Variants in ADAMTSL1 observed in about 807,000 individuals in gnomAD.
ADAMTSL1 encodes ADAMTS-like protein 1.
Under a neutral mutation model 201.8 loss-of-function variants are expected in ADAMTSL1, and 126 were observed. That is an observed-to-expected ratio of 0.62 (90% CI 0.54 to 0.72). The LOEUF (loss-of-function observed/expected upper bound fraction) is 0.72. Ranked by LOEUF, ADAMTSL1 falls within the 30% of genes least tolerant of loss-of-function variation. The pLI, the probability that ADAMTSL1 is intolerant of heterozygous loss-of-function variation, is 0.00. For synonymous variants in ADAMTSL1, 1,121 were observed against 903.4 expected (o/e 1.24, Z -4.32); for missense variants, 2,679 against 2,277.8 (o/e 1.18, Z -3.59).
chr9:18,382,605 C>T (rs1837603962), intron 2 of ADAMTSL1, among the ~76,000 whole-genome samples: 1 of 151,830 alleles, frequency 6.6e-6, no homozygotes, highest in Non-Finnish European at 1.5e-5. Context: ...TCAGTATCTC[C>T]AGAGAAACAA....
chr9:17,983,015 C>G (rs1248561363), intron 1 of ADAMTSL1, among the ~76,000 whole-genome samples: 4 of 150,166 alleles, frequency 2.7e-5, no homozygotes, highest in Non-Finnish European at 5.9e-5. Context: ...AGTACTTCCT[C>G]CCTCCCCTTT....
intron 2 of ADAMTSL1, among the ~76,000 whole-genome samples, chr9:18,204,226 A>G (rs1829558535): frequency 6.6e-6 from 1 of 152,090 alleles, no homozygotes; most frequent in African/African-American, 2.4e-5. Flanking sequence ...TAAGGGAGAG[A>G]CCAGGTGGAG....
rs557981198 is a variant in ADAMTSL1, at chr9:18,532,921, TAAG to T, written c.192-320_192-318del. 7.3e-4 allele frequency among the ~76,000 whole-genome samples: 111 copies of T among 152,054 alleles called. No individual in the cohort carries two copies. The East Asian group carries it at 0.017, about 24-fold the overall frequency. On this transcript the variant is annotated intron_variant, in intron 2 of 28. Transcript: ENST00000380548. ...TATATCTTCAATTTTATATCAGAAA[TAAG>T]AAGAAAGGATTAATTGAATGTCAGT...
chr9:18,114,915 G>C (rs910264007), intron 1 of ADAMTSL1, among the ~76,000 whole-genome samples: 1 of 152,174 alleles, frequency 6.6e-6, no homozygotes, highest in African/African-American at 2.4e-5. Flanking sequence ...GGTAAGTCAA[G>C]AGAGTTTGGA....
At chr9:18,667,985 T>A (rs1184353761) in intron 9 of ADAMTSL1, among the ~76,000 whole-genome samples, 1 of 152,118 alleles carries the variant, frequency 6.6e-6, no homozygotes, top group East Asian at 1.9e-4. Context: ...CTTTACCAGC[T>A]GTGAGACATT....
At chr9:18,049,055 C>G (rs1009598929) in intron 1 of ADAMTSL1, among the ~76,000 whole-genome samples, 2 of 152,118 alleles carry the variant, frequency 1.3e-5, no homozygotes, top group Non-Finnish European at 2.9e-5. Context: ...CATCACTCAT[C>G]TTCACACTGC....
At chr9:18,493,453 G>A (rs577176323) in intron 1 of ADAMTSL1, among the ~76,000 whole-genome samples, 113 of 152,202 alleles carry the variant, frequency 7.4e-4, no homozygotes, top group Non-Finnish European at 1.2e-3. Context: ...TCTAATCCCA[G>A]CACACTCATC....
intron 1 of ADAMTSL1, among the ~76,000 whole-genome samples, chr9:17,957,632 A>T (rs1040599804): frequency 2.0e-5 from 3 of 152,178 alleles, no homozygotes; most frequent in Non-Finnish European, 2.9e-5. Context: ...CCCCAAATTC[A>T]TGTCCACTTA....
intron 23 of ADAMTSL1, among the ~76,000 whole-genome samples, chr9:18,839,432 G>A (rs112900123): frequency 0.4 from 60,246 of 151,578 alleles, 12,329 homozygotes; most frequent in Non-Finnish European, 0.45. Flanking sequence ...CCAGTCTATC[G>A]TTGTTGGACA....
intron 23 of ADAMTSL1, among the ~76,000 whole-genome samples, chr9:18,865,377 T>A (rs1321583014): frequency 6.6e-6 from 1 of 152,086 alleles, no homozygotes; most frequent in Non-Finnish European, 1.5e-5. Context: ...AACTCATCAT[T>A]TTTTATGGCT....
chr9:18,660,658 T>C (rs2133013439), intron 8 of ADAMTSL1, among the ~76,000 whole-genome samples: 1 of 152,334 alleles, frequency 6.6e-6, no homozygotes, highest in South Asian at 2.1e-4. Flanking sequence ...GAGTACAGTG[T>C]AATTGAAAAG....
chr9:18,380,497 C>T (rs1486155654), intron 2 of ADAMTSL1, among the ~76,000 whole-genome samples: 5 of 152,128 alleles, frequency 3.3e-5, no homozygotes, highest in Non-Finnish European at 5.9e-5. Flanking sequence ...CCCTCCCTTC[C>T]CCCACCAATA....
intron 1 of ADAMTSL1, among the ~76,000 whole-genome samples, chr9:18,042,090 G>T (rs1821449286): frequency 1.5e-5 from 2 of 136,940 alleles, no homozygotes; most frequent in African/African-American, 6.2e-5. Flanking sequence ...AGTTGTAATT[G>T]CTGGGAAAAA....
At chr9:18,192,125 C>T (rs1326750204) in intron 2 of ADAMTSL1, among the ~76,000 whole-genome samples, 1 of 152,138 alleles carries the variant, frequency 6.6e-6, no homozygotes, top group Admixed American at 6.5e-5. Flanking sequence ...TTTAACTTTT[C>T]TAATAGGAAT....
chr9:18,715,266 G>C (rs1368527581), intron 14 of ADAMTSL1, among the ~76,000 whole-genome samples: 1 of 150,984 alleles, frequency 6.6e-6, no homozygotes, highest in African/African-American at 2.4e-5. Flanking sequence ...GGAAATAAAG[G>C]GTATTCAATT....
At chr9:18,740,478 C>CTTTTTTTTTTTTTTTTTTTTT (rs11449360) in intron 15 of ADAMTSL1, among the ~76,000 whole-genome samples, 2 of 105,676 alleles carry the variant, frequency 1.9e-5, no homozygotes, top group African/African-American at 3.7e-5. Context: ...TTTCTTTTAT[C>CTTTTTTTTTTTTTTTTTTTTT]TTTTTTTTTT....
chr9:18,130,430 T>C (rs1248559305), intron 1 of ADAMTSL1, among the ~76,000 whole-genome samples: 1 of 152,222 alleles, frequency 6.6e-6, no homozygotes, highest in Non-Finnish European at 1.5e-5. Flanking sequence ...TAACTGGCTG[T>C]CACAATGACA....
intron 2 of ADAMTSL1, among the ~76,000 whole-genome samples, chr9:18,332,879 C>G (rs1835088866): frequency 6.6e-6 from 1 of 152,034 alleles, no homozygotes; most frequent in African/African-American, 2.4e-5. Flanking sequence ...ATTTAAAATC[C>G]CAACTCTGGC....
rs1333714999 is a variant in ADAMTSL1 at position 18,399,303 on chromosome 9, A to ATATATC, written c.208-105521_208-105520insCTATAT. Among the ~76,000 whole-genome samples, 6 of 108,256 alleles carry ATATATC rather than the reference A, an allele frequency of 5.5e-5. No homozygotes were observed. The East Asian group carries it at 1.4e-3, about 25-fold the overall frequency. The allele number at this position is 108,256 out of a possible 152,430, so 71.0% of individuals were successfully genotyped here. On this transcript the variant is annotated intron_variant, in intron 2 of 29. Transcript: ENST00000680146. The stretch of plus-strand genomic sequence containing the variant: ...TACATATATATATATATATATATAT[A>ATATATC]TATATATATATATATATATATATAT...
Sources: allele counts gnomAD v4.1 joint callset (sites outside exome capture counted in the v4.1 genomes callset), GRCh38; gene constraint gnomAD v4.1.1; transcripts MANE v1.5; gene names NCBI Gene and HGNC (gene_info 2026-07-23, HGNC 2026-07-21).